GHR: variants seen among roughly 807,000 people sequenced by gnomAD.
GHR encodes the protein GH receptor.
A neutral mutation model predicts 67.1 loss-of-function variants in GHR; 35 were observed. That is an observed-to-expected ratio of 0.52 (90% CI 0.40 to 0.69). The LOEUF is 0.69. GHR is among the 30% of genes least tolerant of loss of function. The pLI, the probability that GHR is intolerant of heterozygous loss-of-function variation, is 0.00. For synonymous variants in GHR, 272 were observed against 269.1 expected (o/e 1.01, Z -0.10); for missense variants, 792 against 764.6 (o/e 1.04, Z -0.42).
intron 1 of GHR, among the ~76,000 whole-genome samples, chr5:42,441,795 C>T (rs1743592114): frequency 6.6e-6 from 1 of 152,164 alleles, no homozygotes; most frequent in African/African-American, 2.4e-5. Flanking sequence ...AGGTGTGAGC[C>T]ACCACTCCCA....
chr5:42,633,710 C>T (rs1561183878), intron 3 of GHR, among the ~76,000 whole-genome samples: 1 of 152,162 alleles, frequency 6.6e-6, no homozygotes, highest in Non-Finnish European at 1.5e-5. Flanking sequence ...AAACTTATCT[C>T]CCTGGCATTC....
intron 1 of GHR, among the ~76,000 whole-genome samples, chr5:42,505,128 T>TC (rs1746709790): frequency 6.6e-6 from 1 of 151,630 alleles, no homozygotes; most frequent in Admixed American, 6.6e-5. Flanking sequence ...GACTGTTTTT[T>TC]TTTTTTTTTC....
At chr5:42,617,366 G>A (rs1343788996) in intron 2 of GHR, among the ~76,000 whole-genome samples, 2 of 147,404 alleles carry the variant, frequency 1.4e-5, no homozygotes, top group African/African-American at 5.1e-5. Flanking sequence ...GGCACTAGCT[G>A]CTGCTAGGAA....
intron 2 of GHR, among the ~76,000 whole-genome samples, chr5:42,570,834 T>C (rs1453736067): frequency 6.6e-6 from 1 of 152,236 alleles, no homozygotes; most frequent in Non-Finnish European, 1.5e-5. Flanking sequence ...ATTTTTACTT[T>C]GTCAGTAATA....
chr5:42,525,837 T>G (rs1747684000), intron 1 of GHR, among the ~76,000 whole-genome samples: 1 of 152,208 alleles, frequency 6.6e-6, no homozygotes, highest in Admixed American at 6.5e-5. Flanking sequence ...CGCTTCTTCC[T>G]CATTTTTCTC....
intron 1 of GHR, among the ~76,000 whole-genome samples, chr5:42,555,879 A>C (rs57282535): frequency 1.3e-5 from 2 of 152,172 alleles, no homozygotes; most frequent in Non-Finnish European, 2.9e-5. Flanking sequence ...TACACTGCAC[A>C]GTGCAGGATT....
intron 1 of GHR, 28 bp from the exon 2 acceptor site, chr5:42,565,836 C>CT: frequency 6.2e-7 from 1 of 1,613,896 alleles, no homozygotes. Flanking sequence ...AATTGCTGGG[C>CT]TTTACCTTAC....
intron 1 of GHR, among the ~76,000 whole-genome samples, chr5:42,543,002 G>A (rs879898155): frequency 2.6e-5 from 4 of 152,018 alleles, no homozygotes; most frequent in African/African-American, 7.2e-5. Flanking sequence ...TCCATGGTGT[G>A]TATATATCAC....
chr5:42,425,266 T>C (rs1742802573), intron 1 of GHR, among the ~76,000 whole-genome samples: 1 of 152,022 alleles, frequency 6.6e-6, no homozygotes, highest in South Asian at 2.1e-4. Flanking sequence ...AGCTATGAAT[T>C]TGAAATTTTC....
chr5:42,529,926 A>G (rs150894823), intron 1 of GHR, among the ~76,000 whole-genome samples: 3 of 152,198 alleles, frequency 2.0e-5, no homozygotes, highest in Admixed American at 1.3e-4. Context: ...ATTAGCACTA[A>G]AGAGAAATAG....
intron 1 of GHR, among the ~76,000 whole-genome samples, chr5:42,543,080 G>A (rs1748586558): frequency 6.6e-6 from 1 of 152,130 alleles, no homozygotes; most frequent in Non-Finnish European, 1.5e-5. Flanking sequence ...ATTGTGAGCT[G>A]TGCTGTGATA....
At chr5:42,529,393 G>A (rs200167379) in intron 1 of GHR, among the ~76,000 whole-genome samples, 14 of 152,088 alleles carry the variant, frequency 9.2e-5, no homozygotes, top group Admixed American at 3.3e-4. Context: ...GCAGTGGTCC[G>A]GAACTGAACT....
chr5:42,447,746 T>G (rs1743873734), intron 1 of GHR, among the ~76,000 whole-genome samples: 1 of 138,152 alleles, frequency 7.2e-6, no homozygotes, highest in Admixed American at 7.2e-5. Context: ...TTTCTTTCCT[T>G]TCTTTCTTTC....
chr5:42,549,298 A>C (rs1222945080), intron 1 of GHR, among the ~76,000 whole-genome samples: 1 of 152,142 alleles, frequency 6.6e-6, no homozygotes, highest in Admixed American at 6.5e-5. Context: ...CCTCTTCCAA[A>C]CACCTCTTTG....
intron 1 of GHR, among the ~76,000 whole-genome samples, chr5:42,449,261 A>T (rs958583575): frequency 2.0e-5 from 3 of 152,252 alleles, no homozygotes; most frequent in African/African-American, 4.8e-5. Context: ...CTACCCATCC[A>T]CAAGTGTGGG....
At chr5:42,425,679 A>T (rs1742820873) in intron 1 of GHR, among the ~76,000 whole-genome samples, 1 of 152,122 alleles carries the variant, frequency 6.6e-6, no homozygotes, top group South Asian at 2.1e-4. Flanking sequence ...AGCTGGAAGG[A>T]TGTGTTTTGG....
intron 1 of GHR, among the ~76,000 whole-genome samples, chr5:42,473,981 AG>A (rs60587730): frequency 0.26 from 39,446 of 151,698 alleles, 5,517 homozygotes; most frequent in Middle Eastern, 0.31. Flanking sequence ...TGAGGTCAGG[AG>A]TTCAAAACCA....
chr5:42,474,338 A>AAAG lies in GHR; in HGVS notation c.-12+50385_-12+50386insGAA, dbSNP rs370296727. The stretch of plus-strand genomic sequence containing the variant: ...GAAAGAAAGAAAGAAAGAAAGAAAG[A>AAAG]AAAGAAATAAAGAAAGAAAGCAAAG... On this transcript the variant is annotated intron_variant, in intron 1 of 9. Transcript: ENST00000230882. Among the ~76,000 whole-genome samples, 114 of 35,212 alleles carry AAAG rather than the reference A, an allele frequency of 3.2e-3. No homozygotes were observed. The East Asian group carries it at 0.07, about 22-fold the overall frequency. The allele number at this position is 35,212 out of a possible 152,430, so 23.1% of individuals were successfully genotyped here.
In GHR at chr5:42,630,499, CT is replaced by C. The variant is rs1197637536; in HGVS notation, c.136+1398del. Among the ~76,000 whole-genome samples the C allele has an allele frequency of 3.0e-5, 4 of 131,426 alleles. 1 individual carries two copies. Among genetic ancestry groups the C allele is most frequent in the Non-Finnish European group, 6.4e-5 (4 of 62,282 alleles). The allele number at this position is 131,426 out of a possible 152,430, so 86.2% of individuals were successfully genotyped here. On this transcript the variant is annotated intron_variant, in intron 3 of 9. Coordinates refer to ENST00000230882, the MANE Select transcript of GHR (RefSeq NM_000163.5). ...CAATGTGAGATTTTAACATTATTTC[CT>C]TGGAGGTGACCAAAAAGGAGAGCTG...
Sources: gnomAD v4.1 joint callset for allele counts (sites outside exome capture counted in the v4.1 genomes callset) on GRCh38, gnomAD v4.1.1 for gene constraint, MANE v1.5 for transcripts, NCBI Gene and HGNC (gene_info 2026-07-23, HGNC 2026-07-21) for gene names.